The following RBFOX1 variants were observed in gnomAD, a reference collection of about 807,000 sequenced individuals.
RBFOX1 encodes RNA binding protein fox-1 homolog 1.
Under a neutral mutation model 57.7 loss-of-function variants are expected in RBFOX1, and 8 were observed. That is an observed-to-expected ratio of 0.14 (90% confidence interval 0.08 to 0.25). RBFOX1 has a LOEUF of 0.25. Ranked by LOEUF, RBFOX1 falls within the 10% of genes least tolerant of loss-of-function variation. The probability of loss-of-function intolerance (pLI) is 1.00; values close to 1 mark genes in which losing one functional copy is unlikely to be tolerated. For missense variants in RBFOX1, 611 were observed against 548.5 expected, an observed-to-expected ratio of 1.11 and a Z score of -1.14; for synonymous variants, 326 against 222.4, an observed-to-expected ratio of 1.47 and a Z score of -4.15.
rs539932096 is a variant in RBFOX1, at chr16:7,338,721, C to T, written c.28-179426C>T. Among the ~76,000 whole-genome samples the T allele has an allele frequency of 5.3e-5, 8 of 152,304 alleles. No homozygotes were observed. The East Asian group carries it at 1.4e-3, about 26-fold the overall frequency. On this transcript the variant is annotated intron_variant, in intron 4 of 15. Transcript: ENST00000550418. ...GTAGTAACAATGCAAATTATAGAAA[C>T]ATCGGCCTTAACAATGGACAGAGAG... is the stretch of plus-strand genomic sequence containing the variant.
intron 4 of RBFOX1, among the ~76,000 whole-genome samples, chr16:7,470,568 G>A (rs2061378999): frequency 6.6e-6 from 1 of 151,546 alleles, no homozygotes; most frequent in Non-Finnish European, 1.5e-5. Context: ...AGGCAGATGA[G>A]GTGATGGATG....
At chr16:5,267,926 A>G (rs2062902650) in intron 1 of RBFOX1, among the ~76,000 whole-genome samples, 1 of 152,148 alleles carries the variant, frequency 6.6e-6, no homozygotes, top group African/African-American at 2.4e-5. Flanking sequence ...TAAAAATACA[A>G]AAATTAGCTT....
chr16:6,616,305 A>G (rs1042122271), intron 2 of RBFOX1, among the ~76,000 whole-genome samples: 8 of 152,288 alleles, frequency 5.3e-5, no homozygotes, highest in Non-Finnish European at 4.4e-5. Flanking sequence ...ATGCTATATT[A>G]CATGCTATAA....
At chr16:5,668,019 A>G (rs1283682235) in intron 3 of RBFOX1, among the ~76,000 whole-genome samples, 2 of 147,542 alleles carry the variant, frequency 1.4e-5, no homozygotes, top group Non-Finnish European at 3.0e-5. Context: ...GTCCACCAGG[A>G]AAAAAAAAAA....
intron 1 of RBFOX1, chr16:6,038,621 A>G (rs2095400741): frequency 6.8e-6 from 1 of 147,636 alleles, no homozygotes; most frequent in South Asian, 2.1e-4. Flanking sequence ...CCATGGAGAT[A>G]TATATATATA....
intron 3 of RBFOX1, among the ~76,000 whole-genome samples, chr16:6,693,727 ATCATCC>A (rs1448857765): frequency 2.0e-5 from 3 of 151,416 alleles, no homozygotes; most frequent in East Asian, 2.0e-4. Context: ...CATCACCACC[ATCATCC>A]TCATCCTCAT....
At chr16:7,485,331 C>A (rs898100880) in intron 4 of RBFOX1, among the ~76,000 whole-genome samples, 2 of 152,222 alleles carry the variant, frequency 1.3e-5, no homozygotes, top group Non-Finnish European at 1.5e-5. Flanking sequence ...CCTTGCTATG[C>A]GCTGTTGCTT....
At chr16:5,418,902 A>G (rs896778301) in intron 1 of RBFOX1, among the ~76,000 whole-genome samples, 1 of 152,210 alleles carries the variant, frequency 6.6e-6, no homozygotes, top group Non-Finnish European at 1.5e-5. Context: ...AATTCCAAGC[A>G]AACAATGCAG....
rs1345662627 is a variant in RBFOX1 at position 7,054,213 on chromosome 16, C to CGGCGGG, written c.27+2117_27+2118insCGGGGG. On this transcript the variant is annotated intron_variant, in intron 4 of 15. Coordinates refer to ENST00000550418, the MANE Select transcript of RBFOX1 (RefSeq NM_018723.4). ...CCCTTATTAAGGTGATTTTTTTTTT[C>CGGCGGG]GGGGGGGGGGGGCGGGGAGCTTTTT... is the stretch of plus-strand genomic sequence containing the variant. Among the ~76,000 whole-genome samples the CGGCGGG allele has an allele frequency of 6.7e-4, 12 of 17,828 alleles. 1 individual carries two copies. The highest frequency in any genetic ancestry group is 4.6e-3 in the African/African-American group (10 of 2,170). The allele number at this position is 17,828 out of a possible 152,430, so 11.7% of individuals were successfully genotyped here.
chr16:5,436,216 G>A (rs12921860), intron 1 of RBFOX1, among the ~76,000 whole-genome samples: 66,090 of 152,026 alleles, frequency 0.43, 15,786 homozygotes, highest in East Asian at 0.63. Context: ...GGCCTCAAAA[G>A]GGGGCTCGTG....
intron 2 of RBFOX1, among the ~76,000 whole-genome samples, chr16:6,609,308 G>C (rs1042856316): frequency 2.6e-5 from 4 of 152,114 alleles, no homozygotes; most frequent in Non-Finnish European, 4.4e-5. Context: ...TCTGTAGATG[G>C]AGAGGTTGAC....
chr16:7,700,338 C>G (rs1455433805), intron 14 of RBFOX1, among the ~76,000 whole-genome samples: 2 of 152,102 alleles, frequency 1.3e-5, no homozygotes, highest in African/African-American at 4.8e-5. Context: ...TGAGGATGCA[C>G]CATTATCATC....
intron 1 of RBFOX1, among the ~76,000 whole-genome samples, chr16:6,041,882 T>C (rs893029553): frequency 5.9e-5 from 9 of 152,136 alleles, no homozygotes; most frequent in Non-Finnish European, 1.0e-4. Flanking sequence ...TTTAAAGTTC[T>C]ATAGCTCAGG....
intron 4 of RBFOX1, among the ~76,000 whole-genome samples, chr16:7,112,308 T>C (rs1179539753): frequency 6.6e-6 from 1 of 151,894 alleles, no homozygotes; most frequent in African/African-American, 2.4e-5. Flanking sequence ...GTTCAAGTGA[T>C]CCTCCAGCCT....
At chr16:5,566,744 G>A (rs1016242560) in intron 2 of RBFOX1, among the ~76,000 whole-genome samples, 5 of 151,700 alleles carry the variant, frequency 3.3e-5, no homozygotes, top group Admixed American at 1.3e-4. Flanking sequence ...GAGAGCTTTC[G>A]AATGCTTTGG....
At chr16:6,550,015 G>C (rs181827866) in intron 2 of RBFOX1, among the ~76,000 whole-genome samples, 2 of 152,260 alleles carry the variant, frequency 1.3e-5, no homozygotes, top group Admixed American at 1.3e-4. Flanking sequence ...AGGGGTGACA[G>C]TTTCAAATCC....
chr16:6,518,164 A>G (rs1232964023), intron 2 of RBFOX1, among the ~76,000 whole-genome samples: 1 of 152,202 alleles, frequency 6.6e-6, no homozygotes, highest in Admixed American at 6.5e-5. Flanking sequence ...GATGAGATTA[A>G]TAGCCTGCCC....
At chr16:6,808,430 T>G (rs956766652) in intron 3 of RBFOX1, among the ~76,000 whole-genome samples, 3 of 152,044 alleles carry the variant, frequency 2.0e-5, no homozygotes, top group African/African-American at 7.3e-5. Flanking sequence ...TTTCTTGCAG[T>G]GAATAAACTA....
intron 4 of RBFOX1, among the ~76,000 whole-genome samples, chr16:7,455,800 AAG>A (rs1250111966): frequency 1.3e-5 from 2 of 150,766 alleles, no homozygotes; most frequent in African/African-American, 4.9e-5. Context: ...AAAAAAAAAA[AAG>A]AAAAAAAAGA....
Sources: gnomAD v4.1 joint callset for allele counts (sites outside exome capture counted in the v4.1 genomes callset) on GRCh38, gnomAD v4.1.1 for gene constraint, MANE v1.5 for transcripts, NCBI Gene and HGNC (gene_info 2026-07-23, HGNC 2026-07-21) for gene names.